The following ZBBX variants were observed in gnomAD, a reference collection of about 807,000 sequenced individuals.
The protein encoded by ZBBX is zinc finger B-box domain-containing protein 1.
ZBBX carries 101 observed loss-of-function variants against 108.5 expected under a neutral mutation model. The observed-to-expected ratio is 0.93, with a 90% confidence interval of 0.79 to 1.10. ZBBX has a LOEUF of 1.10. ZBBX is among the 50% of genes least tolerant of loss of function. The pLI, the probability that ZBBX is intolerant of heterozygous loss-of-function variation, is 0.00. For missense variants in ZBBX, 1,009 were observed against 941.4 expected, an observed-to-expected ratio of 1.07 and a Z score of -0.94; for synonymous variants, 356 against 323.4, an observed-to-expected ratio of 1.10 and a Z score of -1.08.
At chr3:167,248,658 A>T in intron 20 of ZBBX, 2 of 456,678 alleles carry the variant, frequency 4.4e-6, no homozygotes, top group South Asian at 3.1e-5. Context: ...CCCTAGAAAG[A>T]AAAACAAGGT....
chr3:167,403,435 C>G (rs956042262), intron 1 of ZBBX, among the ~76,000 whole-genome samples: 1 of 152,038 alleles, frequency 6.6e-6, no homozygotes, highest in African/African-American at 2.4e-5. Context: ...AATGTCAAAA[C>G]TTCTTCAATC....
At chr3:167,310,119 C>T (rs1940938415) in intron 16 of ZBBX, among the ~76,000 whole-genome samples, 1 of 152,172 alleles carries the variant, frequency 6.6e-6, no homozygotes, top group South Asian at 2.1e-4. Context: ...AGGAGGGGGC[C>T]AAAATGCTGC....
rs1731519489 is a variant in ZBBX, at chr3:167,295,680, AAAAAAAATCATGAAG to A, written c.1879+2610_1879+2624del. Among the ~76,000 whole-genome samples the A allele has an allele frequency of 1.5e-4, 22 of 143,370 alleles. No individual in the cohort carries two copies. The South Asian group carries it at 4.9e-3, about 32-fold the overall frequency. 94.1% of individuals were successfully genotyped at this position (143,370 alleles called of 152,430 possible). A position where few individuals can be genotyped will look rare whatever the true frequency, so the allele number is the denominator to read the frequency against. Reference sequence around the variant, plus strand: ...ACCCAGAACTTAAAGTGAAATTTTAAAAAAAAATCATGAAGAAACAAAAAATTGGAATATATATAT... The same window carrying A: ...ACCCAGAACTTAAAGTGAAATTTTAAAAACAAAAAATTGGAATATATATAT... On this transcript the variant is annotated intron_variant, in intron 18 of 21. Coordinates refer to ENST00000675490, the MANE Select transcript of ZBBX (RefSeq NM_001199201.2).
At position 167,317,022 on chromosome 3, in the gene ZBBX, T is replaced by C. The variant is rs374729668; in HGVS notation, c.1177A>G (p.Ile393Val). 1.3e-5 allele frequency: 21 copies of C among 1,603,202 alleles called. No homozygotes were observed. In the African/African-American group the frequency reaches 2.8e-4, roughly 21 times the overall value. The part of the protein sequence containing the change: ...NIERPEPSLK[I>V]VELDDTYEEE... The stretch of plus-strand genomic sequence containing the variant: ...GCACTTACATCATCCAGTTCGACTA[T>C]CTTTAGAGATGGTTCAGGTCTCTCT... The change falls in exon 14 of 22, where the codon ATA becomes GTA. Residue 393 changes from isoleucine to valine, a missense_variant. Transcript: ENST00000675490.
rs1727581010 is a variant in ZBBX, at chr3:167,276,379, T to C, written c.2254+5859A>G. 2.0e-5 allele frequency among the ~76,000 whole-genome samples: 3 copies of C among 151,948 alleles called. No individual in the cohort carries two copies. In the South Asian group the frequency reaches 6.2e-4, roughly 32 times the overall value. Reference sequence around the variant, plus strand: ...AAGAATGTATAACTAGAATAACCAATACAGAGAAGTGCTTAAAGGAGCTGA... The same window carrying C: ...AAGAATGTATAACTAGAATAACCAACACAGAGAAGTGCTTAAAGGAGCTGA... On this transcript the variant is annotated intron_variant, in intron 20 of 21. Transcript: ENST00000675490.
chr3:167,224,195 C>T, the ZBBX span, among the ~76,000 whole-genome samples: 2 of 151,886 alleles, frequency 1.3e-5, no homozygotes, highest in Non-Finnish European at 2.9e-5. Flanking sequence ...CAGTTAAAGA[C>T]ATTTTACTGT....
chr3:167,236,071 T>C (rs796422775), downstream of ZBBX, among the ~76,000 whole-genome samples: 3 of 151,820 alleles, frequency 2.0e-5, no homozygotes, highest in South Asian at 6.2e-4. Flanking sequence ...AAATTTCTCC[T>C]GTCTGAAAGA....
At chr3:167,226,746 T>C in the ZBBX span, among the ~76,000 whole-genome samples, 1 of 151,748 alleles carries the variant, frequency 6.6e-6, no homozygotes, top group Non-Finnish European at 1.5e-5. Context: ...AGGAAAACTT[T>C]CTTTACTCCC....
chr3:167,184,499 C>T, the ZBBX span, among the ~76,000 whole-genome samples: 1 of 152,028 alleles, frequency 6.6e-6, no homozygotes, highest in East Asian at 1.9e-4. Context: ...AATCTTACTC[C>T]CTGGTATCTA....
chr3:167,251,877 T>C (rs1722662573), intron 20 of ZBBX, among the ~76,000 whole-genome samples: 1 of 151,614 alleles, frequency 6.6e-6, no homozygotes, highest in African/African-American at 2.4e-5. Context: ...TATCAACCAA[T>C]CTGCTTTCTG....
the ZBBX span, among the ~76,000 whole-genome samples, chr3:167,187,850 G>A: frequency 6.6e-6 from 1 of 152,036 alleles, no homozygotes; most frequent in Non-Finnish European, 1.5e-5. Flanking sequence ...CTTACATATG[G>A]TTTACGATGT....
At chr3:167,325,631 C>T (rs150241120) in intron 11 of ZBBX, among the ~76,000 whole-genome samples, 64 of 152,196 alleles carry the variant, frequency 4.2e-4, no homozygotes, top group African/African-American at 1.1e-3. Flanking sequence ...TTGACCTCCA[C>T]TTAGGCTGTA....
At chr3:167,366,833 T>A (rs1301091075) in intron 5 of ZBBX, 4 of 455,916 alleles carry the variant, frequency 8.8e-6, no homozygotes, top group Non-Finnish European at 1.8e-5. Context: ...ATGATCCATT[T>A]AGAAGTCCAA....
At chr3:167,254,516 A>G (rs1282944888) in intron 20 of ZBBX, among the ~76,000 whole-genome samples, 1 of 152,166 alleles carries the variant, frequency 6.6e-6, no homozygotes, top group African/African-American at 2.4e-5. Flanking sequence ...GTAAAAATTA[A>G]AATCCTGACA....
At chr3:167,323,583 C>A (rs748829545) in intron 11 of ZBBX, among the ~76,000 whole-genome samples, 1 of 152,082 alleles carries the variant, frequency 6.6e-6, no homozygotes, top group African/African-American at 2.4e-5. Context: ...ATTTATGAGG[C>A]ATGGCTCCCT....
At chr3:167,385,440 T>C (rs1329680137) in intron 1 of ZBBX, among the ~76,000 whole-genome samples, 1 of 152,092 alleles carries the variant, frequency 6.6e-6, no homozygotes, top group Non-Finnish European at 1.5e-5. Context: ...GAGTAGGTAC[T>C]ATAGACTTTA....
At chr3:167,283,737 C>T (rs1304944337) in intron 19 of ZBBX, among the ~76,000 whole-genome samples, 1 of 152,062 alleles carries the variant, frequency 6.6e-6, no homozygotes, top group Non-Finnish European at 1.5e-5. Context: ...CCTTTGCCTC[C>T]CAGGTTCAAG....
intron 20 of ZBBX, among the ~76,000 whole-genome samples, chr3:167,279,091 G>T (rs1319540491): frequency 6.6e-6 from 1 of 150,492 alleles, no homozygotes; most frequent in African/African-American, 2.4e-5. Context: ...GGCATTGATG[G>T]GACATATTTC....
At chr3:167,405,535 A>G (rs184728177) in intron 1 of ZBBX, among the ~76,000 whole-genome samples, 46 of 152,292 alleles carry the variant, frequency 3.0e-4, no homozygotes, top group African/African-American at 1.1e-3. Context: ...GACTCCAGTA[A>G]TTTTCATGAA....
Sources: gnomAD v4.1 joint callset for allele counts (sites outside exome capture counted in the v4.1 genomes callset) on GRCh38, gnomAD v4.1.1 for gene constraint, MANE v1.5 for transcripts, NCBI Gene and HGNC (gene_info 2026-07-23, HGNC 2026-07-21) for gene names.